The following NEK7 variants were observed in gnomAD, a reference collection of about 807,000 sequenced individuals.
NEK7 encodes the protein NIMA related kinase 7, also known as serine/threonine-protein kinase Nek7.
A neutral mutation model predicts 44.6 loss-of-function variants in NEK7; 18 were observed. The ratio of observed to expected loss-of-function variants is 0.40; its 90% confidence interval spans 0.28 to 0.60. NEK7 has a LOEUF of 0.60. Ranked by LOEUF, NEK7 falls within the 20% of genes least tolerant of loss-of-function variation. The probability of loss-of-function intolerance (pLI) is 0.38; values close to 1 mark genes in which losing one functional copy is unlikely to be tolerated. For synonymous variants in NEK7, 130 were observed against 121.1 expected (o/e 1.07, Z -0.48); for missense variants, 256 against 366.5 (o/e 0.70, Z 2.46).
chr1:198,260,415 C>CTT (rs796568794), intron 3 of NEK7, among the ~76,000 whole-genome samples: 38 of 143,060 alleles, frequency 2.7e-4, no homozygotes, highest in African/African-American at 6.6e-4. Context: ...TAGTCCTTTC[C>CTT]TTTTTTTTTT....
intron 1 of NEK7, among the ~76,000 whole-genome samples, chr1:198,202,659 T>A (rs1207363482): frequency 6.6e-6 from 1 of 152,202 alleles, no homozygotes; most frequent in Non-Finnish European, 1.5e-5. Context: ...GTGAAAGACA[T>A]GTTTTACATG....
chr1:198,273,919 A>G (rs1653932556), intron 5 of NEK7, among the ~76,000 whole-genome samples: 1 of 151,680 alleles, frequency 6.6e-6, no homozygotes, highest in Non-Finnish European at 1.5e-5. Flanking sequence ...TCTGTTTATA[A>G]TAGAGTGAGG....
rs551326184 is a variant in NEK7, at chr1:198,321,829, C to G, written c.*2307C>G. The G allele has an allele frequency of 4.6e-5, 7 of 152,062 alleles. No homozygotes were observed. In the South Asian group the frequency reaches 1.5e-3, roughly 32 times the overall value. The allele number at this position is 152,062 out of a possible 1,614,324, so 9.4% of individuals were successfully genotyped here. A position where few individuals can be genotyped will look rare whatever the true frequency, so the allele number is the denominator to read the frequency against. ...CTATAAAATGTTCTTTATATGTGTT[C>G]ATAAGTAAATTTTATATTGATTAAG... On this transcript the variant is annotated 3_prime_UTR_variant, in exon 10 of 10. Transcript: ENST00000367385.
intron 7 of NEK7, among the ~76,000 whole-genome samples, chr1:198,292,118 A>G (rs966130292): frequency 6.6e-6 from 1 of 152,098 alleles, no homozygotes; most frequent in Non-Finnish European, 1.5e-5. Context: ...TGAAATAGCC[A>G]TCTGAGTTTG....
chr1:198,305,406 C>T (rs4915140), intron 9 of NEK7, among the ~76,000 whole-genome samples: 26,189 of 151,796 alleles, frequency 0.17, 3,505 homozygotes, highest in African/African-American at 0.35. Context: ...TTATTCCTTC[C>T]GGAGGTTAAC....
intron 9 of NEK7, among the ~76,000 whole-genome samples, chr1:198,300,379 A>G (rs1011597022): frequency 1.3e-5 from 2 of 152,190 alleles, no homozygotes; most frequent in Non-Finnish European, 2.9e-5. Flanking sequence ...TTATCAATGC[A>G]AGTTCTACTA....
At chr1:198,225,795 A>G (rs747387152) in intron 1 of NEK7, among the ~76,000 whole-genome samples, 11 of 151,892 alleles carry the variant, frequency 7.2e-5, no homozygotes, top group East Asian at 1.9e-4. Context: ...ATCTTTTCCT[A>G]TTCATGATTT....
intron 1 of NEK7, among the ~76,000 whole-genome samples, chr1:198,202,564 C>T (rs1448966292): frequency 6.6e-6 from 1 of 152,170 alleles, no homozygotes; most frequent in Admixed American, 6.5e-5. Context: ...CTCAGAATCT[C>T]TCTGTATTAG....
At chr1:198,256,560 T>G in intron 3 of NEK7, 1 of 1,446,494 alleles carries the variant, frequency 6.9e-7, no homozygotes, top group South Asian at 1.5e-5. Context: ...CTCTCTTGCC[T>G]CCTTCTTCAG....
chr1:198,308,643 C>T (rs1655084400), intron 9 of NEK7, among the ~76,000 whole-genome samples: 1 of 152,218 alleles, frequency 6.6e-6, no homozygotes, highest in African/African-American at 2.4e-5. Flanking sequence ...TGATTTCTCC[C>T]TCTTGCCTTA....
chr1:198,273,546 A>T (rs2102971460), intron 5 of NEK7, among the ~76,000 whole-genome samples: 1 of 151,838 alleles, frequency 6.6e-6, no homozygotes, highest in South Asian at 2.1e-4. Context: ...ACCACGACAA[A>T]ATATAGTCTT....
intron 3 of NEK7, 74 bp from the exon 4 acceptor site, chr1:198,262,501 A>G (rs1653509497): frequency 2.2e-6 from 2 of 914,104 alleles, no homozygotes; most frequent in South Asian, 1.5e-5. Context: ...CATGTAGAGT[A>G]TTAAAATGAA....
intron 1 of NEK7, among the ~76,000 whole-genome samples, chr1:198,181,029 A>G (rs1023470476): frequency 6.6e-6 from 1 of 152,072 alleles, no homozygotes; most frequent in African/African-American, 2.4e-5. Flanking sequence ...CATTTTCTAT[A>G]GTTTTCCTAT....
At position 198,316,657 on chromosome 1, in the gene NEK7, A is replaced by G. The variant is rs960706738; in HGVS notation, c.799-2755A>G. On this transcript the variant is annotated intron_variant, in intron 9 of 9. Coordinates refer to ENST00000367385, the MANE Select transcript of NEK7 (RefSeq NM_133494.3). ...TCACATTTGTTTCTTTGTTCTGTCT[A>G]TCTTCCGCTAGATTGTAGGCTGTTT... 2.0e-5 allele frequency among the ~76,000 whole-genome samples: 3 copies of G among 152,254 alleles called. No individual in the cohort carries two copies. In the South Asian group the frequency reaches 6.2e-4, roughly 32 times the overall value.
rs555672177 is a variant in NEK7, at chr1:198,314,610, T to C, written c.799-4802T>C. 1.1e-4 allele frequency among the ~76,000 whole-genome samples: 16 copies of C among 152,304 alleles called. No individual in the cohort carries two copies. The East Asian group carries it at 2.7e-3, about 26-fold the overall frequency. On this transcript the variant is annotated intron_variant, in intron 9 of 9. Coordinates refer to ENST00000367385, the MANE Select transcript of NEK7 (RefSeq NM_133494.3). ...TGATGGTGATGTACAGGTGGGTTTT[T>C]GGTGTGGATGTCGTTTCTGTTTGTT...
Position 198,320,027 on chromosome 1 carries a change from A to C in NEK7, c.*505A>C, listed in dbSNP as rs1033017060. 2.0e-5 allele frequency: 3 copies of C among 152,216 alleles called. No homozygotes were observed. Among genetic ancestry groups the C allele is most frequent in the African/African-American group, 7.2e-5 (3 of 41,462 alleles). The allele number at this position is 152,216 out of a possible 1,614,324, so 9.4% of individuals were successfully genotyped here. ...TAGTTCTTAGCAGAGTAGTTTTCAAATATGATTCTTATGATAAATGTAGAC... is the reference window on the plus strand; with the variant it reads ...TAGTTCTTAGCAGAGTAGTTTTCAACTATGATTCTTATGATAAATGTAGAC... On this transcript the variant is annotated 3_prime_UTR_variant, in exon 10 of 10. Transcript: ENST00000367385.
At chr1:198,198,609 A>G (rs991055450) in intron 1 of NEK7, among the ~76,000 whole-genome samples, 2 of 152,208 alleles carry the variant, frequency 1.3e-5, no homozygotes, top group Non-Finnish European at 2.9e-5. Flanking sequence ...TGAGTATTCA[A>G]TGTTAGGTAT....
At chr1:198,233,016 G>A (rs1306978204) in intron 2 of NEK7, among the ~76,000 whole-genome samples, 1 of 151,618 alleles carries the variant, frequency 6.6e-6, no homozygotes, top group Non-Finnish European at 1.5e-5. Flanking sequence ...AAAACAAAAA[G>A]GCAGCTTTAG....
chr1:198,226,194 A>G (rs925567877), intron 1 of NEK7, among the ~76,000 whole-genome samples: 1 of 152,108 alleles, frequency 6.6e-6, no homozygotes, highest in African/African-American at 2.4e-5. Flanking sequence ...TGAGGGCATG[A>G]TAAGTAATGG....
Sources: allele counts gnomAD v4.1 joint callset (sites outside exome capture counted in the v4.1 genomes callset), GRCh38; gene constraint gnomAD v4.1.1; transcripts MANE v1.5; gene names NCBI Gene and HGNC (gene_info 2026-07-23, HGNC 2026-07-21).